The following DOCK5 variants were observed in gnomAD, a reference collection of about 807,000 sequenced individuals.
DOCK5 encodes dedicator of cytokinesis 5.
DOCK5 carries 142 observed loss-of-function variants against 251.8 expected under a neutral mutation model. The ratio of observed to expected loss-of-function variants is 0.56; its 90% confidence interval spans 0.49 to 0.65. DOCK5 has a LOEUF of 0.65. Ranked by LOEUF, DOCK5 falls within the 30% of genes least tolerant of loss-of-function variation. DOCK5 has a pLI of 0.00. For missense variants in DOCK5, 2,111 were observed against 2,312.3 expected (o/e 0.91, Z 1.79); for synonymous variants, 842 against 835.5 (o/e 1.01, Z -0.13).
In DOCK5 at chr8:25,395,611, T is replaced by C; in HGVS notation, c.4596T>C (p.Cys1532=). The C allele has an allele frequency of 6.2e-7, 1 of 1,613,226 alleles. No individual in the cohort carries two copies. The change falls in exon 45 of 52, where the codon TGT becomes TGC. Residue 1532 remains cysteine (C), a synonymous_variant. Transcript: ENST00000276440. ...MELTNERISN[C]VQQHAWDRSL... is the part of the protein sequence containing the mutation. ...TGACCAACGAGAGGATCAGCAACTG[T>C]GTTCAGCAGCATGCCTGGGACCGGT...
At position 25,254,795 on chromosome 8, in the gene DOCK5, A is replaced by C. The variant is rs1476232772; in HGVS notation, c.127+11038A>C. Among the ~76,000 whole-genome samples the C allele has an allele frequency of 2.7e-5, 4 of 147,022 alleles. 1 individual carries two copies. Among genetic ancestry groups the C allele is most frequent in the Non-Finnish European group, 6.0e-5 (4 of 66,732 alleles). ...TCTCAAAAAAAAACAAAACAAAACA[A>C]AAAAAAAAAACATTTGATAAAGGAC... On this transcript the variant is annotated intron_variant, in intron 2 of 51. Transcript: ENST00000276440.
intron 1 of DOCK5, among the ~76,000 whole-genome samples, chr8:25,194,335 C>T (rs1336002851): frequency 5.9e-5 from 9 of 152,104 alleles, no homozygotes; most frequent in Non-Finnish European, 1.3e-4. Context: ...ACTTCCTTTC[C>T]CCATGTGTTT....
At position 25,385,139 on chromosome 8, in the gene DOCK5, C is replaced by T. The variant is rs907405541; in HGVS notation, c.4131+2361C>T. Among the ~76,000 whole-genome samples, 10 of 152,034 alleles carry T rather than the reference C, an allele frequency of 6.6e-5. No individual in the cohort carries two copies. In the South Asian group the frequency reaches 1.0e-3, roughly 16 times the overall value. ...GAGAGCTGGGGTGCCAGCGGGGAGGCGGGGAGCCCTGGAAGAGCCTGCAGG... is the reference window on the plus strand; with the variant it reads ...GAGAGCTGGGGTGCCAGCGGGGAGGTGGGGAGCCCTGGAAGAGCCTGCAGG... On this transcript the variant is annotated intron_variant, in intron 40 of 51. Coordinates refer to ENST00000276440, the MANE Select transcript of DOCK5 (RefSeq NM_024940.8).
chr8:25,342,394 C>T lies in DOCK5; in HGVS notation c.2511-7C>T, dbSNP rs1199837100. The T allele has an allele frequency of 6.3e-7, 1 of 1,576,308 alleles. No individual in the cohort carries two copies. Among genetic ancestry groups the T allele is most frequent in the Non-Finnish European group, 8.6e-7 (1 of 1,158,484 alleles). On this transcript the variant is annotated splice_region_variant and splice_polypyrimidine_tract_variant and intron_variant, in intron 24 of 51. Coordinates refer to ENST00000276440, the MANE Select transcript of DOCK5 (RefSeq NM_024940.8). Reference sequence around the variant, plus strand: ...AGACACTACTAACCCTGAGGTTTCTCTCCCAGCGTGCTCTTCTGCAAATTC... The same window carrying T: ...AGACACTACTAACCCTGAGGTTTCTTTCCCAGCGTGCTCTTCTGCAAATTC...
chr8:25,244,896 G>C (rs1803056609), intron 2 of DOCK5, among the ~76,000 whole-genome samples: 1 of 152,176 alleles, frequency 6.6e-6, no homozygotes, highest in Admixed American at 6.5e-5. Flanking sequence ...AGAAGACAGA[G>C]AGGGCTGTGT....
chr8:25,380,421 C>G, intron 39 of DOCK5, 27 bp downstream of exon 39: 1 of 1,560,418 alleles, frequency 6.4e-7, no homozygotes, highest in South Asian at 1.2e-5. Context: ...ATATGTTAGG[C>G]CTCTGACAGG....
chr8:25,257,994 G>A (rs1011886464), intron 2 of DOCK5, among the ~76,000 whole-genome samples: 1 of 152,072 alleles, frequency 6.6e-6, no homozygotes, highest in African/African-American at 2.4e-5. Context: ...AGATTACTTT[G>A]CTTTAAAAAG....
intron 38 of DOCK5, among the ~76,000 whole-genome samples, chr8:25,379,642 A>G (rs1801028708): frequency 6.6e-6 from 1 of 152,222 alleles, no homozygotes; most frequent in Non-Finnish European, 1.5e-5. Flanking sequence ...TACAAAGATA[A>G]CAGGATTAAG....
intron 4 of DOCK5, chr8:25,277,528 A>AT (rs1804076235): frequency 6.6e-6 from 1 of 151,970 alleles, no homozygotes; most frequent in Non-Finnish European, 1.5e-5. Flanking sequence ...CAGAACCATC[A>AT]TTTCATAGAC....
At chr8:25,213,795 T>C (rs961466773) in intron 1 of DOCK5, among the ~76,000 whole-genome samples, 1 of 152,226 alleles carries the variant, frequency 6.6e-6, no homozygotes, top group Non-Finnish European at 1.5e-5. Context: ...TGCTTCTTAC[T>C]GTGGCTGAGG....
At chr8:25,283,102 C>T (rs561869794) in intron 5 of DOCK5, among the ~76,000 whole-genome samples, 3 of 152,140 alleles carry the variant, frequency 2.0e-5, no homozygotes, top group South Asian at 2.1e-4. Context: ...AGCAGTTATA[C>T]GGTAACCATG....
rs76082284 is a variant in DOCK5, at chr8:25,292,009, A to T, written c.322-15A>T. On this transcript the variant is annotated splice_polypyrimidine_tract_variant and intron_variant, in intron 5 of 51. Transcript: ENST00000276440. ...TTTCTAAGAATCTTTTCTTCATCAT[A>T]TTTTCTCATCTTAGAACAACAAGCT... 1 of 1,544,386 alleles carries T rather than the reference A, an allele frequency of 6.5e-7. No homozygotes were observed. Among genetic ancestry groups the T allele is most frequent in the Non-Finnish European group, 8.7e-7 (1 of 1,145,894 alleles).
rs1379507495 is a variant in DOCK5 at position 25,414,553 on chromosome 8, C to T, written c.*3255C>T. On this transcript the variant is annotated 3_prime_UTR_variant, in exon 52 of 52. Coordinates refer to ENST00000276440, the MANE Select transcript of DOCK5 (RefSeq NM_024940.8). ...TTTCCAAGCTGGAAGAGTCCTTCTC[C>T]TCTAGTTGCCCCTAGGTCACTGGCT... The T allele has an allele frequency of 6.6e-6, 1 of 152,222 alleles. No individual in the cohort carries two copies. Among genetic ancestry groups the T allele is most frequent in the Non-Finnish European group, 1.5e-5 (1 of 68,042 alleles). 9.4% of individuals were successfully genotyped at this position (152,222 alleles called of 1,614,324 possible). A position where few individuals can be genotyped will look rare whatever the true frequency, so the allele number is the denominator to read the frequency against.
Position 25,248,424 on chromosome 8 carries a change from G to A in DOCK5, c.127+4667G>A, listed in dbSNP as rs540799484. Among the ~76,000 whole-genome samples the A allele has an allele frequency of 2.0e-3, 306 of 152,204 alleles. 1 individual carries two copies. The highest frequency in any genetic ancestry group is 3.5e-3 in the Admixed American group (53 of 15,300). On this transcript the variant is annotated intron_variant, in intron 2 of 51. Coordinates refer to ENST00000276440, the MANE Select transcript of DOCK5 (RefSeq NM_024940.8). ...CAATGAAAACACCGACAGTCCTGCC[G>A]GGTGGAACTGAAGGGTGACACTGGC...
At chr8:25,271,455 C>T (rs192979033) in intron 3 of DOCK5, among the ~76,000 whole-genome samples, 1 of 152,294 alleles carries the variant, frequency 6.6e-6, no homozygotes, top group African/African-American at 2.4e-5. Context: ...ATTAAGAGAT[C>T]AGCTCATTAG....
intron 45 of DOCK5, 109 bp from the exon 46 acceptor site, chr8:25,399,802 A>T: frequency 2.7e-6 from 2 of 754,460 alleles, no homozygotes; most frequent in Non-Finnish European, 4.4e-6. Context: ...ATGCATTTTT[A>T]GTTAGACACA....
At chr8:25,276,777 C>T (rs1163603689) in intron 4 of DOCK5, among the ~76,000 whole-genome samples, 2 of 152,108 alleles carry the variant, frequency 1.3e-5, no homozygotes, top group South Asian at 2.1e-4. Context: ...GTAAATGTCA[C>T]GGTATAGATC....
intron 11 of DOCK5, chr8:25,305,434 A>G (rs1425005558): frequency 6.6e-6 from 1 of 152,178 alleles, no homozygotes; most frequent in Non-Finnish European, 1.5e-5. Context: ...TAAAATATTA[A>G]CGGGAAAATA....
chr8:25,192,261 C>T (rs944097392), intron 1 of DOCK5, among the ~76,000 whole-genome samples: 1 of 152,046 alleles, frequency 6.6e-6, no homozygotes, highest in Non-Finnish European at 1.5e-5. Context: ...AGCAGCATGA[C>T]TTATAATCCT....
Sources: allele counts gnomAD v4.1 joint callset (sites outside exome capture counted in the v4.1 genomes callset), GRCh38; gene constraint gnomAD v4.1.1; transcripts MANE v1.5; gene names NCBI Gene and HGNC (gene_info 2026-07-23, HGNC 2026-07-21).